Variants in DIP2A observed in about 807,000 individuals in gnomAD.
DIP2A encodes the protein DIP2 acetate--CoA ligase A, also known as disco-interacting protein 2 homolog A.
Under a neutral mutation model 177.4 loss-of-function variants are expected in DIP2A, and 85 were observed. That is an observed-to-expected ratio of 0.48 (90% CI 0.40 to 0.57). The LOEUF is 0.57. Ranked by LOEUF, DIP2A falls within the 20% of genes least tolerant of loss-of-function variation. The pLI is 0.00. For missense variants in DIP2A, 1,791 were observed against 2,100.2 expected (o/e 0.85, Z 2.88); for synonymous variants, 886 against 881.8 (o/e 1.00, Z -0.08).
At position 46,549,772 on chromosome 21, in the gene DIP2A, A is replaced by G. The variant is rs765140150; in HGVS notation, c.2524A>G (p.Ile842Val). The G allele has an allele frequency of 1.9e-6, 3 of 1,613,670 alleles. No individual in the cohort carries two copies. Among genetic ancestry groups the G allele is most frequent in the South Asian group, 2.2e-5 (2 of 91,086 alleles). ...CCATTTCCATGTCTCATCCCGCAGG[A>G]TCGCTGTGTTCTCTGTGACCGTGCT... Reference protein sequence around the residue: ...EPMKFVYRGRIAVFSVTVLHD... With the variant: ...EPMKFVYRGRVAVFSVTVLHD... The change falls in exon 22 of 38, where the codon ATC becomes GTC. Residue 842 changes from isoleucine (I) to valine (V), a missense_variant and splice_region_variant. Coordinates refer to ENST00000417564, the MANE Select transcript of DIP2A (RefSeq NM_015151.4).
At chr21:46,547,182 TAAAAGG>T in intron 21 of DIP2A, 140 bp downstream of exon 21, 2 of 1,432,380 alleles carry the variant, frequency 1.4e-6, no homozygotes, top group Non-Finnish European at 1.8e-6. Flanking sequence ...ACTCCTAAAG[TAAAAGG>T]AAAATATTTG....
intron 18 of DIP2A, among the ~76,000 whole-genome samples, chr21:46,543,591 C>T (rs1390210768): frequency 6.6e-6 from 1 of 152,274 alleles, no homozygotes; most frequent in African/African-American, 2.4e-5. Context: ...TGACCCTCCA[C>T]AGCCCCCGGG....
At position 46,539,972 on chromosome 21, in the gene DIP2A, C is replaced by G. The variant is rs1178601245; in HGVS notation, c.2017C>G (p.Leu673Val). 4.3e-6 allele frequency: 7 copies of G among 1,614,030 alleles called. No homozygotes were observed. The highest frequency in any genetic ancestry group is 5.9e-6 in the Non-Finnish European group (7 of 1,179,864). ...ICPCASSPEALTVAIRRPPDL... is the reference protein window; with the variant it reads ...ICPCASSPEAVTVAIRRPPDL... ...TCCTTGTGCAAGTTCTCCTGAGGCG[C>G]TGACTGTCGCCATCCGCAGGTAACC... Residue 673 changes from leucine to valine, a missense_variant, in exon 17 of 38, where the codon CTG (leucine) becomes GTG (valine). Coordinates refer to ENST00000417564, the MANE Select transcript of DIP2A (RefSeq NM_015151.4).
intron 12 of DIP2A, 48 bp from the exon 13 acceptor site, chr21:46,534,537 T>A (rs758494285): frequency 6.5e-7 from 1 of 1,545,688 alleles, no homozygotes; most frequent in African/African-American, 1.4e-5. Context: ...CTGTCTGTTG[T>A]CACCTCTAGA....
At chr21:46,558,573 A>G in intron 32 of DIP2A, 180 bp downstream of exon 32, 1 of 658,562 alleles carries the variant, frequency 1.5e-6, no homozygotes, top group Non-Finnish European at 2.6e-6. Context: ...AAGATGTTCT[A>G]TTCTAGTTGG....
intron 18 of DIP2A, among the ~76,000 whole-genome samples, chr21:46,543,292 TC>T (rs1382583969): frequency 6.6e-6 from 1 of 152,212 alleles, no homozygotes; most frequent in African/African-American, 2.4e-5. Flanking sequence ...TGTTTAAACT[TC>T]CCTGGAAAAT....
At chr21:46,566,962 T>A (rs111245099) in intron 37 of DIP2A, among the ~76,000 whole-genome samples, 2,532 of 152,312 alleles carry the variant, frequency 0.017, 41 homozygotes, top group Middle Eastern at 0.037. Flanking sequence ...TGTGTTTGGG[T>A]TTGGCTTGTT....
At position 46,556,518 on chromosome 21, in the gene DIP2A, CTA is replaced by C. The variant is rs201255183; in HGVS notation, c.3499-420_3499-419del. The C allele has an allele frequency of 0.027, 14,495 of 531,558 alleles. 275 individuals are homozygous for C. The highest frequency in any genetic ancestry group is 0.078 in the Admixed American group (2,278 of 29,134). The allele number at this position is 531,558 out of a possible 1,614,324, so 32.9% of individuals were successfully genotyped here. The stretch of plus-strand genomic sequence containing the variant: ...CCAACGTGGTGAAACCCCGTCTCTA[CTA>C]AAAATACAAAAAATTAGCTGGGCAT... On this transcript the variant is annotated intron_variant, in intron 29 of 37. Coordinates refer to ENST00000417564, the MANE Select transcript of DIP2A (RefSeq NM_015151.4). The surrounding 1 kb of genome is among the most constrained non-coding windows in gnomAD (Gnocchi z 4.5).
chr21:46,561,431 A>T (rs945605874), intron 33 of DIP2A: 2 of 405,194 alleles, frequency 4.9e-6, no homozygotes, highest in African/African-American at 4.1e-5. Context: ...GCCACACTGT[A>T]GCTTGATGTA....
intron 5 of DIP2A, among the ~76,000 whole-genome samples, 171 bp downstream of exon 5, chr21:46,499,004 C>T (rs1313212186): frequency 6.6e-6 from 1 of 152,190 alleles, no homozygotes; most frequent in Non-Finnish European, 1.5e-5. Flanking sequence ...CCCATACTGG[C>T]TTATCTGCCT....
At chr21:46,579,925 G>C in the DIP2A span, among the ~76,000 whole-genome samples, 1 of 152,168 alleles carries the variant, frequency 6.6e-6, no homozygotes. Context: ...TGTATATTCT[G>C]TTGCTTTTGA....
chr21:46,527,324 G>GGT (rs1555897931), intron 8 of DIP2A, among the ~76,000 whole-genome samples: 1 of 33,938 alleles, frequency 2.9e-5, no homozygotes, highest in Non-Finnish European at 5.0e-5. Flanking sequence ...TTTGAGTTGA[G>GGT]GTTTTTTTTT....
rs575825122 is a variant in DIP2A at position 46,511,305 on chromosome 21, C to A, written c.905-112C>A. Reference sequence around the variant, plus strand: ...AAAAATCGAAACAAATTATTGTAAGCTTTTTTATAGTTGGGATTAAAAAAC... The same window carrying A: ...AAAAATCGAAACAAATTATTGTAAGATTTTTTATAGTTGGGATTAAAAAAC... On this transcript the variant is annotated intron_variant, in intron 7 of 37. Transcript: ENST00000417564. 7.4e-4 allele frequency: 860 copies of A among 1,160,490 alleles called. 2 individuals carry two copies. Among genetic ancestry groups the A allele is most frequent in the Non-Finnish European group, 9.2e-4 (772 of 840,164 alleles). 71.9% of individuals were successfully genotyped at this position (1,160,490 alleles called of 1,614,324 possible).
chr21:46,545,370 G>T lies in DIP2A; in HGVS notation c.2313+97G>T. On this transcript the variant is annotated intron_variant, in intron 19 of 37. Coordinates refer to ENST00000417564, the MANE Select transcript of DIP2A (RefSeq NM_015151.4). The stretch of plus-strand genomic sequence containing the variant: ...GGTGCTGGGGGATTGCAGAGGCTGC[G>T]GGGATGGTCTCCTTCCACACAGGCG... The T allele has an allele frequency of 1.4e-5, 20 of 1,416,300 alleles. 1 individual carries two copies. The South Asian group carries it at 2.5e-4, about 18-fold the overall frequency. 87.7% of individuals were successfully genotyped at this position (1,416,300 alleles called of 1,614,324 possible). A position where few individuals can be genotyped will look rare whatever the true frequency, so the allele number is the denominator to read the frequency against.
In DIP2A at chr21:46,566,494, G is replaced by T; in HGVS notation, c.4340-66G>T. 4 of 1,606,104 alleles carry T rather than the reference G, an allele frequency of 2.5e-6. No individual in the cohort carries two copies. In the South Asian group the frequency reaches 4.5e-5, roughly 18 times the overall value. On this transcript the variant is annotated intron_variant, in intron 36 of 37. Coordinates refer to ENST00000417564, the MANE Select transcript of DIP2A (RefSeq NM_015151.4). ...TGAGAGCCCCTGGTTGGGCTCAGAG[G>T]ATACGAATGTCCAGACTCTGCATGC...
intron 1 of DIP2A, among the ~76,000 whole-genome samples, chr21:46,482,076 A>G (rs1169630791): frequency 6.6e-6 from 1 of 152,222 alleles, no homozygotes; most frequent in Non-Finnish European, 1.5e-5. Context: ...AACAAAAAAC[A>G]GTAGAACCAA....
At chr21:46,578,527 C>G in the DIP2A span, among the ~76,000 whole-genome samples, 1 of 152,136 alleles carries the variant, frequency 6.6e-6, no homozygotes, top group Admixed American at 6.5e-5. Flanking sequence ...GCATCCTTGT[C>G]TTGTGCCAGT....
Position 46,532,145 on chromosome 21 carries a change from A to T in DIP2A, c.1213A>T (p.Asn405Tyr). The change falls in exon 10 of 38, where the codon AAT becomes TAT. Residue 405 changes from asparagine (N) to tyrosine (Y), a missense_variant. By Grantham distance (143) the Asn-to-Tyr change is moderately radical. Coordinates refer to ENST00000417564, the MANE Select transcript of DIP2A (RefSeq NM_015151.4). Reference sequence around the variant, plus strand: ...GTTGTAGGTGGCGCTCGTGTTTCCGAATAGTGACCCTGTGATGTTCATGGT... The same window carrying T: ...GTTGTAGGTGGCGCTCGTGTTTCCGTATAGTGACCCTGTGATGTTCATGGT... ...PGDRVALVFPNSDPVMFMVAF... is the reference protein window; with the variant it reads ...PGDRVALVFPYSDPVMFMVAF... 6.2e-7 allele frequency: 1 copy of T among 1,613,798 alleles called. No individual in the cohort carries two copies. Among genetic ancestry groups the T allele is most frequent in the Non-Finnish European group, 8.5e-7 (1 of 1,179,762 alleles).
intron 1 of DIP2A, among the ~76,000 whole-genome samples, chr21:46,468,513 G>A (rs1159747896): frequency 6.6e-6 from 1 of 152,116 alleles, no homozygotes; most frequent in Non-Finnish European, 1.5e-5. Context: ...GAAGCAGAGA[G>A]TAGAATGGTG....
Sources: gnomAD v4.1 joint callset for allele counts (sites outside exome capture counted in the v4.1 genomes callset) on GRCh38, gnomAD v4.1.1 for gene constraint, Gnocchi (gnomAD v3.1) non-coding constraint, MANE v1.5 for transcripts, NCBI Gene and HGNC (gene_info 2026-07-23, HGNC 2026-07-21) for gene names.